Variants in PDPK1 observed in about 807,000 individuals in gnomAD.
PDPK1 encodes the protein 3-phosphoinositide dependent protein kinase 1.
A neutral mutation model predicts 39.8 loss-of-function variants in PDPK1; 7 were observed. That is an observed-to-expected ratio of 0.18 (90% CI 0.10 to 0.33). The LOEUF is 0.33. PDPK1 is among the 10% of genes least tolerant of loss of function. The pLI, the probability that PDPK1 is intolerant of heterozygous loss-of-function variation, is 1.00. For synonymous variants in PDPK1, 118 were observed against 159.1 expected (o/e 0.74, Z 1.95); for missense variants, 182 against 384.7 (o/e 0.47, Z 4.41).
In PDPK1 at chr16:2,593,145, C is replaced by A. The variant is rs770492891; in HGVS notation, c.1344-2648C>A. Reference sequence around the variant, plus strand: ...CGAGCGGGAGCACCACTCCTGCACGCCCGTGCCTGTGGCATGCCCAGATGA... The same window carrying A: ...CGAGCGGGAGCACCACTCCTGCACGACCGTGCCTGTGGCATGCCCAGATGA... On this transcript the variant is annotated intron_variant, in intron 11 of 13. Transcript: ENST00000342085. The surrounding 1 kb of genome is among the most constrained non-coding windows in gnomAD (Gnocchi z 4.2). 5.1e-5 allele frequency: 23 copies of A among 454,296 alleles called. No individual in the cohort carries two copies. Among genetic ancestry groups the A allele is most frequent in the South Asian group, 3.3e-4 (21 of 64,454 alleles). The allele number at this position is 454,296 out of a possible 1,614,324, so 28.1% of individuals were successfully genotyped here.
chr16:2,597,525 GTGAAT>G lies in PDPK1; in HGVS notation c.1555-125_1555-121del. On this transcript the variant is annotated intron_variant, in intron 13 of 13. Coordinates refer to ENST00000342085, the MANE Select transcript of PDPK1 (RefSeq NM_002613.5). The surrounding 1 kb of genome is among the most constrained non-coding windows in gnomAD (Gnocchi z 6.3). ...GCCTGTGTAGTTGCTTACTGCTTGT[GTGAAT>G]AACCGTCACACCCACGTGCTTTCAG... 1 of 764,650 alleles carries G rather than the reference GTGAAT, an allele frequency of 1.3e-6. No homozygotes were observed. The highest frequency in any genetic ancestry group is 2.3e-6 in the Non-Finnish European group (1 of 429,280). 47.4% of individuals were successfully genotyped at this position (764,650 alleles called of 1,614,324 possible). A position where few individuals can be genotyped will look rare whatever the true frequency, so the allele number is the denominator to read the frequency against.
At chr16:2,595,556 A>G (rs2142007535) in intron 11 of PDPK1, among the ~76,000 whole-genome samples, 1 of 152,296 alleles carries the variant, frequency 6.6e-6, no homozygotes, top group South Asian at 2.1e-4. Flanking sequence ...GTGAGGGGGC[A>G]ACAGGCACTG....
chr16:2,592,651 G>A (rs973738128), intron 11 of PDPK1: 10 of 395,778 alleles, frequency 2.5e-5, no homozygotes, highest in African/African-American at 2.1e-4. Flanking sequence ...CTCCAGACTG[G>A]GCAACAGAGC....
In PDPK1 at chr16:2,599,600, G is replaced by A. The variant is rs1171927520; in HGVS notation, c.*1833G>A. On this transcript the variant is annotated 3_prime_UTR_variant, in exon 14 of 14. Transcript: ENST00000342085. ...CTCCGGGGCCCAGCACGTTGCCCTG[G>A]GCCTGTGGCCGGAGTCGGAGTCCTC... 4 of 232,708 alleles carry A rather than the reference G, an allele frequency of 1.7e-5. No homozygotes were observed. Among genetic ancestry groups the A allele is most frequent in the Non-Finnish European group, 3.4e-5 (4 of 117,844 alleles). The allele number at this position is 232,708 out of a possible 1,614,324, so 14.4% of individuals were successfully genotyped here. A position where few individuals can be genotyped will look rare whatever the true frequency, so the allele number is the denominator to read the frequency against.
At chr16:2,585,962 C>T (rs972701849) in intron 10 of PDPK1, among the ~76,000 whole-genome samples, 8 of 152,222 alleles carry the variant, frequency 5.3e-5, no homozygotes, top group African/African-American at 1.7e-4. Context: ...AGATGTGGGG[C>T]CTGCAGCCGG....
At chr16:2,541,807 T>C (rs986055774) in intron 1 of PDPK1, among the ~76,000 whole-genome samples, 1 of 152,204 alleles carries the variant, frequency 6.6e-6, no homozygotes, top group Non-Finnish European at 1.5e-5. Context: ...TGTGATACCA[T>C]GTCCTTTAAA....
At chr16:2,587,820 C>T (rs1019763038) in intron 11 of PDPK1, among the ~76,000 whole-genome samples, 17 of 152,230 alleles carry the variant, frequency 1.1e-4, no homozygotes, top group Admixed American at 6.5e-4. Flanking sequence ...TCTCCAGTCT[C>T]GATACTGTGT....
intron 2 of PDPK1, among the ~76,000 whole-genome samples, chr16:2,559,561 G>T (rs2066566789): frequency 6.7e-6 from 1 of 150,018 alleles, no homozygotes; most frequent in Admixed American, 6.6e-5. Context: ...ATTTTATTAT[G>T]TATGTATTTA....
intron 11 of PDPK1, among the ~76,000 whole-genome samples, chr16:2,591,344 G>A (rs930797960): frequency 6.6e-6 from 1 of 152,240 alleles, no homozygotes; most frequent in Non-Finnish European, 1.5e-5. Flanking sequence ...CAGCCCCCAT[G>A]TATGACCCTA....
rs1021129715 is a variant in PDPK1, at chr16:2,578,000, G to C, written c.785+500G>C. On this transcript the variant is annotated intron_variant, in intron 7 of 13. Coordinates refer to ENST00000342085, the MANE Select transcript of PDPK1 (RefSeq NM_002613.5). Reference sequence around the variant, plus strand: ...GATCTGCCAGCCTCGGCCTTCCAAAGTGCTGGAGTTACAGGCGTGAGCCAC... The same window carrying C: ...GATCTGCCAGCCTCGGCCTTCCAAACTGCTGGAGTTACAGGCGTGAGCCAC... Among the ~76,000 whole-genome samples, 11 of 148,738 alleles carry C rather than the reference G, an allele frequency of 7.4e-5. 1 individual carries two copies. Among genetic ancestry groups the C allele is most frequent in the African/African-American group, 2.8e-4 (11 of 39,024 alleles).
chr16:2,541,150 A>G (rs918232344), intron 1 of PDPK1, among the ~76,000 whole-genome samples: 14 of 152,176 alleles, frequency 9.2e-5, no homozygotes, highest in Non-Finnish European at 1.3e-4. Flanking sequence ...TTCTTATGAG[A>G]AGGATCCAGC....
At chr16:2,591,379 C>T (rs1003771216) in intron 11 of PDPK1, among the ~76,000 whole-genome samples, 2 of 152,144 alleles carry the variant, frequency 1.3e-5, no homozygotes, top group African/African-American at 2.4e-5. Context: ...GGTAGAAGAG[C>T]CCCTAGTGCA....
At chr16:2,595,969 C>A (rs2067093571) in intron 12 of PDPK1, 119 bp downstream of exon 12, 5 of 792,200 alleles carry the variant, frequency 6.3e-6, no homozygotes, top group Non-Finnish European at 8.9e-6. Context: ...CATCAGACAT[C>A]ATCTCTAGAT....
chr16:2,585,845 C>T (rs1395394161), intron 10 of PDPK1, among the ~76,000 whole-genome samples: 1 of 152,208 alleles, frequency 6.6e-6, no homozygotes, highest in Non-Finnish European at 1.5e-5. Flanking sequence ...GCAGCCAGGG[C>T]CTGCGTCTGG....
intron 11 of PDPK1, 94 bp from the exon 12 acceptor site, chr16:2,595,699 C>T: frequency 1.0e-6 from 1 of 991,326 alleles, no homozygotes; most frequent in Admixed American, 1.7e-5. Flanking sequence ...GAGGGGCAGG[C>T]CGAGGCTATG....
Position 2,600,221 on chromosome 16 carries a change from T to TA in PDPK1, c.*2455dup, listed in dbSNP as rs1295129382. On this transcript the variant is annotated 3_prime_UTR_variant, in exon 14 of 14. Transcript: ENST00000342085. ...TACTGTGTGTGCACATAGACACACT[T>TA]ACGTGGAATTACAGTTGTGGGTTTA... is the stretch of plus-strand genomic sequence containing the variant. The TA allele has an allele frequency of 1.3e-5, 3 of 233,246 alleles. No homozygotes were observed. The highest frequency in any genetic ancestry group is 2.5e-5 in the Non-Finnish European group (3 of 118,078). The allele number at this position is 233,246 out of a possible 1,614,324, so 14.4% of individuals were successfully genotyped here.
chr16:2,594,118 G>T (rs2142005134), intron 11 of PDPK1: 1 of 152,556 alleles, frequency 6.6e-6, no homozygotes, highest in East Asian at 1.9e-4. Flanking sequence ...GGTAAGCCCT[G>T]GGGGAAGATG....
At chr16:2,552,489 G>A (rs1351939360) in intron 1 of PDPK1, among the ~76,000 whole-genome samples, 1 of 151,320 alleles carries the variant, frequency 6.6e-6, no homozygotes, top group East Asian at 1.9e-4. Context: ...GCTGGGGCTG[G>A]CTGAAACCTG....
Position 2,597,753 on chromosome 16 carries a change from G to A in PDPK1, c.1657G>A (p.Ala553Thr), listed in dbSNP as rs901482387. 3 of 1,611,546 alleles carry A rather than the reference G, an allele frequency of 1.9e-6. No homozygotes were observed. The highest frequency in any genetic ancestry group is 1.3e-5 in the African/African-American group (1 of 75,008). The stretch of plus-strand genomic sequence containing the variant: ...GCAGCGATACCAGAGCCACCCGGAC[G>A]CCGCTGTGCAGTGACGTGGCCTGCG... Reference protein sequence around the residue: ...WRQRYQSHPDAAVQ With the variant: ...WRQRYQSHPDTAVQ Residue 553 changes from alanine to threonine, a missense_variant, in exon 14 of 14, where the codon GCC (alanine) becomes ACC (threonine). By Grantham distance (58) the Ala-to-Thr change is moderately conservative (BLOSUM62 0). Coordinates refer to ENST00000342085, the MANE Select transcript of PDPK1 (RefSeq NM_002613.5). The surrounding 1 kb of genome is among the most constrained non-coding windows in gnomAD (Gnocchi z 6.3).
Sources: allele counts gnomAD v4.1 joint callset (sites outside exome capture counted in the v4.1 genomes callset), GRCh38; gene constraint gnomAD v4.1.1; non-coding constraint Gnocchi (gnomAD v3.1); transcripts MANE v1.5; gene names NCBI Gene and HGNC (gene_info 2026-07-23, HGNC 2026-07-21).